EFCAB5: variants seen among roughly 807,000 people sequenced by gnomAD.
EFCAB5 encodes EF-hand calcium-binding domain-containing protein 5.
In EFCAB5, 131 loss-of-function variants were observed where a neutral mutation model predicts 167.9. The observed-to-expected ratio is 0.78, with a 90% CI of 0.68 to 0.90. EFCAB5 has a LOEUF of 0.90. EFCAB5 is among the 40% of genes least tolerant of loss of function. EFCAB5 has a pLI of 0.00. For missense variants in EFCAB5, 1,663 were observed against 1,745.2 expected (o/e 0.95, Z 0.84); for synonymous variants, 574 against 602.8 (o/e 0.95, Z 0.70).
At chr17:30,092,269 T>G in intron 21 of EFCAB5, 112 bp downstream of exon 21, 1 of 1,128,046 alleles carries the variant, frequency 8.9e-7, no homozygotes, top group Non-Finnish European at 1.2e-6. Flanking sequence ...GAATTTTTAC[T>G]GAGTGGAACA....
chr17:30,081,495 G>A (rs1170242235), intron 17 of EFCAB5, among the ~76,000 whole-genome samples: 5 of 152,116 alleles, frequency 3.3e-5, no homozygotes, highest in Non-Finnish European at 7.4e-5. Flanking sequence ...ATCACAAAAT[G>A]ATAGGCACTT....
intron 3 of EFCAB5, among the ~76,000 whole-genome samples, chr17:29,949,020 TA>T (rs2151530815): frequency 6.6e-6 from 1 of 152,334 alleles, no homozygotes; most frequent in Non-Finnish European, 1.5e-5. Context: ...GGCCTGTGTT[TA>T]AAGAAAACAT....
intron 4 of EFCAB5, among the ~76,000 whole-genome samples, chr17:29,971,842 A>G (rs1410388146): frequency 6.6e-6 from 1 of 152,170 alleles, no homozygotes; most frequent in African/African-American, 2.4e-5. Flanking sequence ...ATCAATAGTC[A>G]CCACTAGTGG....
At position 30,051,100 on chromosome 17, in the gene EFCAB5, A is replaced by G; in HGVS notation, c.1201-18A>G. 1 of 1,612,178 alleles carries G rather than the reference A, an allele frequency of 6.2e-7. No homozygotes were observed. The highest frequency in any genetic ancestry group is 1.7e-5 in the Admixed American group (1 of 59,912). On this transcript the variant is annotated intron_variant, in intron 8 of 22. Transcript: ENST00000394835. ...AATCTCCTGTAACAACTAATCACAA[A>G]CTTTCTTCTTTGCTTAGGTAGGGTT...
At chr17:29,959,362 G>C (rs1034028474) in intron 3 of EFCAB5, among the ~76,000 whole-genome samples, 12 of 152,056 alleles carry the variant, frequency 7.9e-5, no homozygotes, top group Non-Finnish European at 1.6e-4. Flanking sequence ...CAAGTTGCAA[G>C]ACAATATGCT....
chr17:30,095,349 A>G (rs1227650776), intron 22 of EFCAB5, among the ~76,000 whole-genome samples: 1 of 152,176 alleles, frequency 6.6e-6, no homozygotes, highest in Non-Finnish European at 1.5e-5. Flanking sequence ...CAAAGCAGCC[A>G]GAGGCTCAGT....
At chr17:30,095,911 C>T (rs919774506) in intron 22 of EFCAB5, among the ~76,000 whole-genome samples, 3 of 152,176 alleles carry the variant, frequency 2.0e-5, no homozygotes, top group African/African-American at 7.2e-5. Context: ...AAAAACTTGC[C>T]ATCGCAGCTA....
chr17:30,003,084 C>CT lies in EFCAB5; in HGVS notation c.1044+3118dup, dbSNP rs74665799. Among the ~76,000 whole-genome samples, 282 of 116,280 alleles carry CT rather than the reference C, an allele frequency of 2.4e-3. 1 individual carries two copies. Among genetic ancestry groups the CT allele is most frequent in the African/African-American group, 5.9e-3 (184 of 31,132 alleles). 76.3% of individuals were successfully genotyped at this position (116,280 alleles called of 152,430 possible). ...GAGATTCTGTTATTTCTTTTTTCCT[C>CT]TTTTTTTTTTGTAGCGGGGGGGGGG... On this transcript the variant is annotated intron_variant, in intron 7 of 22. Transcript: ENST00000394835.
intron 1 of EFCAB5, among the ~76,000 whole-genome samples, chr17:29,935,763 A>G (rs1449865436): frequency 1.3e-5 from 2 of 151,788 alleles, no homozygotes; most frequent in Non-Finnish European, 2.9e-5. Context: ...AAGCAAAGGG[A>G]AAAATTTAGA....
intron 14 of EFCAB5, chr17:30,073,067 T>A (rs1440501591): frequency 7.8e-6 from 5 of 638,380 alleles, no homozygotes; most frequent in African/African-American, 5.6e-5. Flanking sequence ...CTTTATTTTT[T>A]TTTTTTTGAG....
At chr17:30,076,612 A>T (rs953908938) in intron 14 of EFCAB5, among the ~76,000 whole-genome samples, 1 of 152,238 alleles carries the variant, frequency 6.6e-6, no homozygotes, top group Non-Finnish European at 1.5e-5. Context: ...CTTTCAAGAG[A>T]AGGAGAAATC....
chr17:30,041,210 A>AGGAAGGAAG (rs141935007), intron 8 of EFCAB5, among the ~76,000 whole-genome samples: 2 of 149,862 alleles, frequency 1.3e-5, no homozygotes, highest in African/African-American at 5.0e-5. Flanking sequence ...AAGAAAGGAA[A>AGGAAGGAAG]GAAGGAAGGA....
At chr17:29,989,008 G>C (rs1406910304) in intron 4 of EFCAB5, among the ~76,000 whole-genome samples, 1 of 152,208 alleles carries the variant, frequency 6.6e-6, no homozygotes, top group Admixed American at 6.5e-5. Flanking sequence ...CCGAGGGTTA[G>C]TGAGACTAGA....
chr17:30,073,074 TGAG>T, intron 14 of EFCAB5: 2 of 641,728 alleles, frequency 3.1e-6, no homozygotes, highest in Non-Finnish European at 2.8e-6. Context: ...TTTTTTTTTT[TGAG>T]ACCAGGTCTC....
chr17:29,978,879 C>T (rs1028147976), intron 4 of EFCAB5, among the ~76,000 whole-genome samples: 2 of 152,164 alleles, frequency 1.3e-5, no homozygotes, highest in Admixed American at 1.3e-4. Context: ...TATGCAATTG[C>T]TTTGGTTTTT....
At chr17:30,031,249 G>T (rs182969828) in intron 7 of EFCAB5, among the ~76,000 whole-genome samples, 1 of 152,062 alleles carries the variant, frequency 6.6e-6, no homozygotes, top group African/African-American at 2.4e-5. Flanking sequence ...CACCAGGGAG[G>T]CTTGTTAAAC....
chr17:29,966,385 C>A (rs1460316363), intron 3 of EFCAB5, among the ~76,000 whole-genome samples: 1 of 152,064 alleles, frequency 6.6e-6, no homozygotes, highest in East Asian at 1.9e-4. Flanking sequence ...AATCCTAGCA[C>A]TTTGGGAGGC....
Position 30,054,146 on chromosome 17 carries a change from C to T in EFCAB5, c.2192C>T (p.Pro731Leu), listed in dbSNP as rs773097733. Residue 731 changes from proline (P) to leucine (L), a missense_variant and splice_region_variant, in exon 10 of 23, where the codon CCA becomes CTA. Coordinates refer to ENST00000394835, the MANE Select transcript of EFCAB5 (RefSeq NM_198529.4). ...VPTLSRKDHF[P>L]ETTKKEVQKD... Reference sequence around the variant, plus strand: ...ACCTTAAGCAGAAAAGATCACTTTCCAGGTAGTAATGCAGTTCTTCTACAA... The same window carrying T: ...ACCTTAAGCAGAAAAGATCACTTTCTAGGTAGTAATGCAGTTCTTCTACAA... 6.5e-7 allele frequency: 1 copy of T among 1,539,930 alleles called. No homozygotes were observed. The highest frequency in any genetic ancestry group is 8.7e-7 in the Non-Finnish European group (1 of 1,145,396).
At chr17:30,066,798 C>G (rs2070584422) in intron 14 of EFCAB5, among the ~76,000 whole-genome samples, 1 of 151,914 alleles carries the variant, frequency 6.6e-6, no homozygotes, top group Admixed American at 6.5e-5. Flanking sequence ...AAAAAAGACC[C>G]AAATGAATAA....
Sources: gnomAD v4.1 joint callset for allele counts (sites outside exome capture counted in the v4.1 genomes callset) on GRCh38, gnomAD v4.1.1 for gene constraint, MANE v1.5 for transcripts, NCBI Gene and HGNC (gene_info 2026-07-23, HGNC 2026-07-21) for gene names.